DNAH6: variants seen among roughly 807,000 people sequenced by gnomAD.
DNAH6 encodes the protein axonemal beta dynein heavy chain 6.
A neutral mutation model predicts 491.4 loss-of-function variants in DNAH6; 340 were observed. That is an observed-to-expected ratio of 0.69 (90% confidence interval 0.63 to 0.76). The LOEUF (loss-of-function observed/expected upper bound fraction) is 0.76, where lower values mean the gene tolerates loss of function less well. DNAH6 is among the 30% of genes least tolerant of loss of function. The probability of loss-of-function intolerance (pLI) is 0.00; values close to 1 mark genes in which losing one functional copy is unlikely to be tolerated. For missense variants in DNAH6, 4,443 were observed against 4,972.2 expected, an observed-to-expected ratio of 0.89 and a Z score of 3.20; for synonymous variants, 1,603 against 1,686.1, an observed-to-expected ratio of 0.95 and a Z score of 1.21.
chr2:84,659,322 A>G (rs1558867175), intron 37 of DNAH6, among the ~76,000 whole-genome samples, 153 bp downstream of exon 37: 1 of 152,168 alleles, frequency 6.6e-6, no homozygotes, highest in Non-Finnish European at 1.5e-5. Flanking sequence ...CATAGACAAC[A>G]TTTATCATAT....
At chr2:84,620,430 A>G (rs1025581487) in intron 24 of DNAH6, among the ~76,000 whole-genome samples, 8 of 152,194 alleles carry the variant, frequency 5.3e-5, no homozygotes, top group African/African-American at 1.7e-4. Flanking sequence ...GAACACCAAG[A>G]GAGTGAATAT....
intron 62 of DNAH6, among the ~76,000 whole-genome samples, chr2:84,736,688 A>G (rs923148742): frequency 6.6e-6 from 1 of 152,160 alleles, no homozygotes; most frequent in African/African-American, 2.4e-5. Context: ...ATTTTATATC[A>G]TAAGACTTTG....
Position 84,653,742 on chromosome 2 carries a change from G to T in DNAH6, c.5502G>T (p.Trp1834Cys). The part of the protein sequence containing the change: ...AVNDTSEDHK[W>C]IISDGPVDAL... ...ATGATACTTCAGAAGACCATAAATG[G>T]ATCATCAGTGATGGGCCAGTAGATG... The change falls in exon 34 of 77, where the codon TGG (tryptophan) becomes TGT (cysteine). Residue 1834 changes from tryptophan (W) to cysteine (C), a missense_variant. Physicochemically the swap from Trp to Cys is radical, Grantham distance 215. Coordinates refer to ENST00000389394, the MANE Select transcript of DNAH6 (RefSeq NM_001370.2). 1 of 1,551,264 alleles carries T rather than the reference G, an allele frequency of 6.4e-7. No homozygotes were observed. Among genetic ancestry groups the T allele is most frequent in the Non-Finnish European group, 8.7e-7 (1 of 1,146,662 alleles).
chr2:84,682,632 G>T (rs1218465807), intron 42 of DNAH6, among the ~76,000 whole-genome samples: 1 of 152,094 alleles, frequency 6.6e-6, no homozygotes. Context: ...CCTTGGCCAT[G>T]CATACCCCGG....
chr2:84,718,513 A>G, intron 59 of DNAH6, 129 bp downstream of exon 59: 1 of 661,396 alleles, frequency 1.5e-6, no homozygotes, highest in Non-Finnish European at 2.3e-6. Flanking sequence ...GGACACACAG[A>G]CGGGTGCCTG....
chr2:84,653,480 A>G lies in DNAH6; in HGVS notation c.5240A>G (p.His1747Arg), dbSNP rs370463710. The G allele has an allele frequency of 6.4e-7, 1 of 1,551,294 alleles. No individual in the cohort carries two copies. The highest frequency in any genetic ancestry group is 8.7e-7 in the Non-Finnish European group (1 of 1,146,702). Reference sequence around the variant, plus strand: ...TTTTATGAAACTATGCTAGTAAGGCATGGTGTTATGTTAGTCGGGCCAACA... The same window carrying G: ...TTTTATGAAACTATGCTAGTAAGGCGTGGTGTTATGTTAGTCGGGCCAACA... ...IQFYETMLVR[H>R]GVMLVGPTGG... Residue 1747 changes from histidine to arginine, a missense_variant, in exon 34 of 77, where the codon CAT becomes CGT. Transcript: ENST00000389394.
At chr2:84,573,660 T>G in intron 12 of DNAH6, 73 bp downstream of exon 12, 1 of 1,365,858 alleles carries the variant, frequency 7.3e-7, no homozygotes, top group South Asian at 1.7e-5. Context: ...AGGATTCTGT[T>G]TGGTGGTGTC....
chr2:84,501,973 C>T, the DNAH6 span, among the ~76,000 whole-genome samples: 4 of 151,868 alleles, frequency 2.6e-5, no homozygotes, highest in African/African-American at 4.8e-5. Flanking sequence ...TTTCAAAAAA[C>T]CAACTTTTTG....
chr2:84,511,252 G>T, the DNAH6 span, among the ~76,000 whole-genome samples: 1 of 152,144 alleles, frequency 6.6e-6, no homozygotes, highest in African/African-American at 2.4e-5. Flanking sequence ...CTTTGTTTAC[G>T]TACTCAAGCT....
chr2:84,470,729 G>T, the DNAH6 span, among the ~76,000 whole-genome samples: 1 of 152,156 alleles, frequency 6.6e-6, no homozygotes, highest in Non-Finnish European at 1.5e-5. Context: ...CAGCCCAGTA[G>T]GTTTCAGCCT....
chr2:84,666,918 C>T (rs561843269), intron 37 of DNAH6, among the ~76,000 whole-genome samples: 4 of 152,174 alleles, frequency 2.6e-5, no homozygotes, highest in South Asian at 2.1e-4. Context: ...CCAACGGAAC[C>T]GAACAGAGCC....
chr2:84,699,704 GA>G lies in DNAH6; in HGVS notation c.7790del (p.Asn2597IlefsTer34). The G allele has an allele frequency of 6.4e-7, 1 of 1,551,704 alleles. No individual in the cohort carries two copies. Among genetic ancestry groups the G allele is most frequent in the Non-Finnish European group, 8.7e-7 (1 of 1,146,994 alleles). On this transcript the variant is annotated frameshift_variant, in exon 48 of 77. Transcript: ENST00000389394. LOFTEE classifies it high-confidence loss of function. ...SRCRMFPSLV[N>X]CCTIDWFVQW... The stretch of plus-strand genomic sequence containing the variant: ...GATGCAGGATGTTTCCATCCCTTGT[GA>G]ATTGCTGCACCATTGACTGGTTTGT...
chr2:84,544,312 G>T lies in DNAH6; in HGVS notation c.742G>T (p.Asp248Tyr). Reference protein sequence around the residue: ...QRAVTHIYNEDIEFIEIDRWE... With the variant: ...QRAVTHIYNEYIEFIEIDRWE... ...GGCAGTAACACACATTTATAATGAA[G>T]ACATTGAATTTATCGAAATTGATCG... The change falls in exon 5 of 77, where the codon GAC (aspartate) becomes TAC (tyrosine). Residue 248 changes from aspartate to tyrosine, a missense_variant. This residue lies in a region of DNAH6 where 2,977 missense variants were observed against 3,296.6 expected (regional missense o/e 0.90). Coordinates refer to ENST00000389394, the MANE Select transcript of DNAH6 (RefSeq NM_001370.2). 6.5e-7 allele frequency: 1 copy of T among 1,534,698 alleles called. No individual in the cohort carries two copies. The highest frequency in any genetic ancestry group is 8.8e-7 in the Non-Finnish European group (1 of 1,131,832).
intron 33 of DNAH6, among the ~76,000 whole-genome samples, chr2:84,646,360 T>C (rs1312379043): frequency 6.6e-6 from 1 of 152,132 alleles, no homozygotes; most frequent in Non-Finnish European, 1.5e-5. Context: ...GGCCAACTAA[T>C]GACCCTACAG....
At chr2:84,709,283 T>G in intron 54 of DNAH6, 60 bp from the exon 55 acceptor site, 1 of 1,516,394 alleles carries the variant, frequency 6.6e-7, no homozygotes, top group Non-Finnish European at 8.9e-7. Flanking sequence ...ACATTTTGCA[T>G]GTGCCCTCGT....
At chr2:84,813,554 G>A (rs1001098766) in intron 74 of DNAH6, among the ~76,000 whole-genome samples, 9 of 152,192 alleles carry the variant, frequency 5.9e-5, no homozygotes, top group Admixed American at 3.9e-4. Context: ...GAGGGGGCTA[G>A]AGCCTGTGAG....
chr2:84,646,098 G>T (rs1384973538), intron 33 of DNAH6, among the ~76,000 whole-genome samples: 1 of 152,156 alleles, frequency 6.6e-6, no homozygotes, highest in Non-Finnish European at 1.5e-5. Flanking sequence ...ATGTGTATAT[G>T]TGGCAATTTT....
Position 84,816,039 on chromosome 2 carries a change from C to A in DNAH6, c.12329C>A (p.Pro4110Gln). ...YKPSPTLYHC[P>Q]LYKTGARAGT... is the part of the protein sequence containing the mutation. ...CCAAGCCCAACACTTTACCACTGCC[C>A]ACTTTATAAAACAGGAGCCCGGGCA... Residue 4110 changes from proline (P) to glutamine (Q), a missense_variant, in exon 76 of 77, where the codon CCA becomes CAA. Pro to Gln is a moderately conservative substitution (Grantham distance 76, BLOSUM62 -1). Coordinates refer to ENST00000389394, the MANE Select transcript of DNAH6 (RefSeq NM_001370.2). The A allele has an allele frequency of 6.4e-7, 1 of 1,551,698 alleles. No individual in the cohort carries two copies. Among genetic ancestry groups the A allele is most frequent in the Non-Finnish European group, 8.7e-7 (1 of 1,146,994 alleles).
Position 84,814,030 on chromosome 2 carries a change from T to C in DNAH6, c.12058T>C (p.Tyr4020His), listed in dbSNP as rs1680255189. The C allele has an allele frequency of 6.4e-7, 1 of 1,551,722 alleles. No individual in the cohort carries two copies. Residue 4020 changes from tyrosine (Y) to histidine (H), a missense_variant, in exon 75 of 77, where the codon TAC (tyrosine) becomes CAC (histidine). Transcript: ENST00000389394. ...NLPIDELSFK[Y>H]SVIPTYRDQA... is the part of the protein sequence containing the mutation. ...GCCTATAGATGAGCTGAGTTTCAAA[T>C]ACAGCGTAATTCCCACCTATCGGGA...
Sources: allele counts gnomAD v4.1 joint callset (sites outside exome capture counted in the v4.1 genomes callset), GRCh38; gene constraint gnomAD v4.1.1; regional missense constraint gnomAD v4.1.1; transcripts MANE v1.5; gene names NCBI Gene and HGNC (gene_info 2026-07-23, HGNC 2026-07-21).